The following GASK1A variants were observed in gnomAD, a reference collection of about 807,000 sequenced individuals.
GASK1A encodes the protein Golgi-associated kinase 1A.
Under a neutral mutation model 41.2 loss-of-function variants are expected in GASK1A, and 40 were observed. The observed-to-expected ratio is 0.97, with a 90% confidence interval of 0.75 to 1.27. GASK1A has a LOEUF of 1.27. Ranked by LOEUF, GASK1A falls within the 50% of genes most tolerant of loss-of-function variation. GASK1A has a pLI of 0.00. For missense variants in GASK1A, 678 were observed against 745.1 expected (o/e 0.91, Z 1.05); for synonymous variants, 316 against 307.1 (o/e 1.03, Z -0.30).
rs556886004 is a variant in GASK1A at position 42,984,838 on chromosome 3, T to C, written c.3+5193T>C. 6.6e-6 allele frequency among the ~76,000 whole-genome samples: 1 copy of C among 152,286 alleles called. No individual in the cohort carries two copies. The highest frequency in any genetic ancestry group is 2.4e-5 in the African/African-American group (1 of 41,558). On this transcript the variant is annotated intron_variant, in intron 1 of 4. Transcript: ENST00000430121. The surrounding 1 kb of genome is among the most constrained non-coding windows in gnomAD (Gnocchi z 4.2). ...GCAGGTGGGGGTCTCCGTGACTTGC[T>C]TTGGTGCCTTATCTACCAGGGAGTT... is the stretch of plus-strand genomic sequence containing the variant.
chr3:43,004,924 G>C (rs1247601267), intron 1 of GASK1A, among the ~76,000 whole-genome samples: 1 of 152,190 alleles, frequency 6.6e-6, no homozygotes, highest in Non-Finnish European at 1.5e-5. Flanking sequence ...TGTTGGCAGG[G>C]CCAGTTCTTT....
At chr3:42,986,837 G>A (rs2089314007) in intron 1 of GASK1A, among the ~76,000 whole-genome samples, 1 of 152,194 alleles carries the variant, frequency 6.6e-6, no homozygotes, top group African/African-American at 2.4e-5. Context: ...CAGGCCAGAG[G>A]AGCAGGTAGG....
rs117216158 is a variant in GASK1A, at chr3:43,040,538, A to T, written c.1290+6985A>T. Among the ~76,000 whole-genome samples the T allele has an allele frequency of 2.2e-3, 342 of 152,148 alleles. 10 individuals carry two copies. The East Asian group carries it at 0.055, about 25-fold the overall frequency. Reference sequence around the variant, plus strand: ...TCAAATCAAGTTTTTGTGGATTAATATAGAGAGCATTTACACCCTGAAATA... The same window carrying T: ...TCAAATCAAGTTTTTGTGGATTAATTTAGAGAGCATTTACACCCTGAAATA... On this transcript the variant is annotated intron_variant, in intron 2 of 4. Transcript: ENST00000430121.
chr3:42,996,516 C>T (rs1477231585), intron 1 of GASK1A, among the ~76,000 whole-genome samples: 1 of 152,072 alleles, frequency 6.6e-6, no homozygotes, highest in East Asian at 1.9e-4. Context: ...AATGGACCAC[C>T]CTATGAAGGA....
At chr3:43,030,449 C>T (rs1369785171) in intron 1 of GASK1A, among the ~76,000 whole-genome samples, 1 of 152,214 alleles carries the variant, frequency 6.6e-6, no homozygotes, top group African/African-American at 2.4e-5. Context: ...TGCGCAGTCC[C>T]GAAGAGCCCC....
chr3:43,039,284 C>T (rs1274892834), intron 2 of GASK1A, among the ~76,000 whole-genome samples: 1 of 146,986 alleles, frequency 6.8e-6, no homozygotes, highest in African/African-American at 2.5e-5. Context: ...CTCATTGCAA[C>T]CTCCACCTCC....
chr3:43,032,201 T>G, intron 1 of GASK1A, 66 bp from the exon 2 acceptor site: 41 of 1,254,790 alleles, frequency 3.3e-5, no homozygotes, highest in Middle Eastern at 1.9e-4. Context: ...ACCATCCCCA[T>G]TGTTTTGTGG....
At chr3:42,995,989 C>T (rs2125675388) in intron 1 of GASK1A, among the ~76,000 whole-genome samples, 1 of 152,334 alleles carries the variant, frequency 6.6e-6, no homozygotes, top group African/African-American at 2.4e-5. Context: ...GGTGTTCCCA[C>T]ACTGGCACTC....
rs537741103 is a variant in GASK1A at position 43,020,847 on chromosome 3, C to T, written c.4-11420C>T. 2.6e-4 allele frequency among the ~76,000 whole-genome samples: 40 copies of T among 152,290 alleles called. 2 individuals are homozygous for T. The highest frequency in any genetic ancestry group is 2.5e-3 in the Admixed American group (38 of 15,294). ...AACACATTTAAAGCCTCCAGTAGGACATGGTGTATGTTATATCCACTCATA... is the reference window on the plus strand; with the variant it reads ...AACACATTTAAAGCCTCCAGTAGGATATGGTGTATGTTATATCCACTCATA... On this transcript the variant is annotated intron_variant, in intron 1 of 4. Transcript: ENST00000430121.
At chr3:43,004,264 G>A (rs2089423779) in intron 1 of GASK1A, among the ~76,000 whole-genome samples, 1 of 152,210 alleles carries the variant, frequency 6.6e-6, no homozygotes, top group Non-Finnish European at 1.5e-5. Flanking sequence ...TCAGGTGAAA[G>A]CTATTTCATT....
chr3:43,056,303 C>G lies in GASK1A; in HGVS notation c.1645C>G (p.Gln549Glu). 1 of 1,551,696 alleles carries G rather than the reference C, an allele frequency of 6.4e-7. No individual in the cohort carries two copies. The change falls in exon 5 of 5, where the codon CAG becomes GAG. Residue 549 changes from glutamine to glutamate, a missense_variant. Physicochemically the swap from Gln to Glu is conservative, Grantham distance 29. Transcript: ENST00000430121. ...GGAQGLKQVL[Q>E]TLEQRGQVLL... is the part of the protein sequence containing the mutation. ...AGCCCAGGGGCTGAAGCAGGTCCTC[C>G]AGACCCTGGAGCAGCGAGGACAGGT...
chr3:43,027,102 A>G (rs988104194), intron 1 of GASK1A, among the ~76,000 whole-genome samples: 27 of 152,240 alleles, frequency 1.8e-4, no homozygotes, highest in African/African-American at 6.3e-4. Flanking sequence ...AAAGAAAGAA[A>G]CTGTAAGCCA....
chr3:42,991,092 C>G (rs2089338405), intron 1 of GASK1A, among the ~76,000 whole-genome samples: 1 of 152,148 alleles, frequency 6.6e-6, no homozygotes, highest in African/African-American at 2.4e-5. Context: ...GGGGAAAGTT[C>G]TTTTAAGGAT....
At chr3:42,998,149 A>G (rs6806427) in intron 1 of GASK1A, among the ~76,000 whole-genome samples, 58,401 of 152,018 alleles carry the variant, frequency 0.38, 11,663 homozygotes, top group Non-Finnish European at 0.44. Flanking sequence ...GAGGACACTG[A>G]TTGTGATGAG....
intron 1 of GASK1A, among the ~76,000 whole-genome samples, chr3:42,990,748 G>A (rs1361234589): frequency 6.6e-6 from 1 of 152,148 alleles, no homozygotes; most frequent in East Asian, 1.9e-4. Flanking sequence ...GTGTTGTTCT[G>A]TGTTCCAGGC....
chr3:43,021,794 G>A (rs1158890235), intron 1 of GASK1A, among the ~76,000 whole-genome samples: 1 of 152,184 alleles, frequency 6.6e-6, no homozygotes, highest in Admixed American at 6.5e-5. Context: ...AAACCTGTGT[G>A]TCTATTTCTC....
At position 43,007,446 on chromosome 3, in the gene GASK1A, T is replaced by C. The variant is rs539083088; in HGVS notation, c.4-24821T>C. On this transcript the variant is annotated intron_variant, in intron 1 of 4. Coordinates refer to ENST00000430121, the MANE Select transcript of GASK1A (RefSeq NM_001129908.3). ...GAGGGGCAGCTGCCTGACTTCACAGTATGGAGATCTGGGTGTCTAGCTTCT... is the reference window on the plus strand; with the variant it reads ...GAGGGGCAGCTGCCTGACTTCACAGCATGGAGATCTGGGTGTCTAGCTTCT... Among the ~76,000 whole-genome samples, 5 of 152,318 alleles carry C rather than the reference T, an allele frequency of 3.3e-5. No individual in the cohort carries two copies. The South Asian group carries it at 1.0e-3, about 32-fold the overall frequency.
At chr3:42,981,786 G>T (rs2089283937) in intron 1 of GASK1A, among the ~76,000 whole-genome samples, 1 of 152,150 alleles carries the variant, frequency 6.6e-6, no homozygotes, top group African/African-American at 2.4e-5. Flanking sequence ...TCCTAAAATA[G>T]TTTTTGGGAA....
intron 2 of GASK1A, among the ~76,000 whole-genome samples, chr3:43,051,011 C>T (rs2089686076): frequency 6.6e-6 from 1 of 152,096 alleles, no homozygotes; most frequent in Admixed American, 6.5e-5. Context: ...TGGGCTTCCT[C>T]AGGAAAAATT....
Sources: gnomAD v4.1 joint callset for allele counts (sites outside exome capture counted in the v4.1 genomes callset) on GRCh38, gnomAD v4.1.1 for gene constraint, Gnocchi (gnomAD v3.1) non-coding constraint, MANE v1.5 for transcripts, NCBI Gene and HGNC (gene_info 2026-07-23, HGNC 2026-07-21) for gene names.